PCDHA4: variants seen among roughly 807,000 people sequenced by gnomAD.
PCDHA4 encodes the protein protocadherin alpha-4.
Under a neutral mutation model 61.4 loss-of-function variants are expected in PCDHA4, and 49 were observed. The ratio of observed to expected loss-of-function variants is 0.80; its 90% confidence interval spans 0.63 to 1.01. PCDHA4 has a LOEUF of 1.01. PCDHA4 is among the 50% of genes least tolerant of loss of function. The pLI, the probability that PCDHA4 is intolerant of heterozygous loss-of-function variation, is 0.00. For missense variants in PCDHA4, 1,254 were observed against 1,235.8 expected, an observed-to-expected ratio of 1.01 and a Z score of -0.22; for synonymous variants, 590 against 550.3, an observed-to-expected ratio of 1.07 and a Z score of -1.01.
Position 140,808,696 on chromosome 5 carries a change from G to T in PCDHA4, c.1509G>T (p.Ala503=), listed in dbSNP as rs1182991653. The T allele has an allele frequency of 1.2e-6, 2 of 1,612,214 alleles. No individual in the cohort carries two copies. Among genetic ancestry groups the T allele is most frequent in the African/African-American group, 1.3e-5 (1 of 75,016 alleles). Residue 503 remains alanine (A), a synonymous_variant, in exon 1 of 4, where the codon GCG becomes GCT. Transcript: ENST00000530339. ...SLVERRVGER[A]LSSYVSVHAE... The stretch of plus-strand genomic sequence containing the variant: ...TAGAGCGGCGGGTAGGGGAGCGCGC[G>T]CTGTCGAGCTACGTTTCGGTGCATG...
chr5:140,954,470 G>T (rs999752135), intron 1 of PCDHA4, among the ~76,000 whole-genome samples: 2 of 152,150 alleles, frequency 1.3e-5, no homozygotes, highest in Non-Finnish European at 2.9e-5. Flanking sequence ...ATTCTGACTG[G>T]TGTGAGAAGA....
chr5:140,828,874 TATC>T, intron 1 of PCDHA4: 2 of 1,614,208 alleles, frequency 1.2e-6, no homozygotes, highest in Non-Finnish European at 1.7e-6. Context: ...GAACAACAGT[TATC>T]AGACTGAATG....
chr5:140,903,540 A>G (rs531687543), intron 1 of PCDHA4, among the ~76,000 whole-genome samples: 46 of 152,352 alleles, frequency 3.0e-4, no homozygotes, highest in African/African-American at 9.9e-4. Flanking sequence ...AACTAGAGCA[A>G]GAAACTTTTC....
chr5:140,855,571 T>G (rs2043521120), intron 1 of PCDHA4, among the ~76,000 whole-genome samples: 1 of 149,810 alleles, frequency 6.7e-6, no homozygotes, highest in Non-Finnish European at 1.5e-5. Context: ...AAAGTTGTCA[T>G]TTAATAAAAT....
At chr5:140,981,203 C>T (rs2096922514) in intron 2 of PCDHA4, among the ~76,000 whole-genome samples, 1 of 152,212 alleles carries the variant, frequency 6.6e-6, no homozygotes, top group South Asian at 2.1e-4. Flanking sequence ...TCTGTTGCCT[C>T]ATATAACCCC....
chr5:140,846,564 C>T (rs2150392370), intron 1 of PCDHA4, among the ~76,000 whole-genome samples: 5 of 147,896 alleles, frequency 3.4e-5, no homozygotes, highest in African/African-American at 5.0e-5. Context: ...TTAGTAGAGT[C>T]GGGGTTTCAC....
At chr5:140,866,951 G>C (rs1207354253) in intron 1 of PCDHA4, 1 of 152,106 alleles carries the variant, frequency 6.6e-6, no homozygotes, top group African/African-American at 2.4e-5. Flanking sequence ...CTAGGGGCTG[G>C]TTGAGATGGT....
chr5:140,941,111 G>T (rs1477407055), intron 1 of PCDHA4, among the ~76,000 whole-genome samples: 2 of 152,090 alleles, frequency 1.3e-5, no homozygotes, highest in Non-Finnish European at 2.9e-5. Context: ...TTACTGGAAA[G>T]ATTAGTCCTT....
intron 1 of PCDHA4, among the ~76,000 whole-genome samples, chr5:140,917,330 A>AGGGGGGGGGGG (rs1425400137): frequency 9.7e-6 from 1 of 103,190 alleles, no homozygotes. Flanking sequence ...GTGGCGGGGG[A>AGGGGGGGGGGG]GGGGGGGGAT....
chr5:140,912,241 T>C (rs939016891), intron 1 of PCDHA4, among the ~76,000 whole-genome samples: 1 of 152,164 alleles, frequency 6.6e-6, no homozygotes, highest in African/African-American at 2.4e-5. Flanking sequence ...GACTCAAATG[T>C]TAATCTCCTT....
At chr5:140,918,897 C>A (rs1381764249) in intron 1 of PCDHA4, among the ~76,000 whole-genome samples, 1 of 152,196 alleles carries the variant, frequency 6.6e-6, no homozygotes, top group Admixed American at 6.5e-5. Context: ...AAAAATAAAT[C>A]TCTCTTGTTT....
At chr5:141,000,421 A>ATATTTTTTTTTTT (rs1265241806) in intron 3 of PCDHA4, among the ~76,000 whole-genome samples, 1 of 27,968 alleles carries the variant, frequency 3.6e-5, no homozygotes, top group African/African-American at 1.8e-4. Flanking sequence ...ATATATATAT[A>ATATTTTTTTTTTT]TTTTTTTTTT....
chr5:140,987,523 T>C (rs942927324), intron 3 of PCDHA4, among the ~76,000 whole-genome samples: 1 of 152,174 alleles, frequency 6.6e-6, no homozygotes, highest in Non-Finnish European at 1.5e-5. Context: ...AGTAATTGTA[T>C]GTTCCTGGGA....
intron 1 of PCDHA4, chr5:140,870,969 C>T: frequency 1.2e-6 from 2 of 1,613,644 alleles, no homozygotes; most frequent in Non-Finnish European, 1.7e-6. Context: ...TCCCGTTCCG[C>T]GTGGGGCTGT....
At chr5:140,841,445 G>C (rs1777235481) in intron 1 of PCDHA4, 6 of 1,612,934 alleles carry the variant, frequency 3.7e-6, no homozygotes, top group South Asian at 1.1e-5. Flanking sequence ...GGCCAAACAC[G>C]GCACCTTCGT....
chr5:140,856,012 G>A lies in PCDHA4; in HGVS notation c.2385+46440G>A, dbSNP rs1158329125. 3 of 1,546,896 alleles carry A rather than the reference G, an allele frequency of 1.9e-6. No homozygotes were observed. The East Asian group carries it at 6.8e-5, about 35-fold the overall frequency. ...TCAGATCGTATGTGCGTTCTAGACC[G>A]CTGATTCGTCGATTTGTAAAACAAG... is the stretch of plus-strand genomic sequence containing the variant. On this transcript the variant is annotated intron_variant, in intron 1 of 3. Coordinates refer to ENST00000530339, the MANE Select transcript of PCDHA4 (RefSeq NM_018907.4).
chr5:140,832,432 T>C (rs1554133529), intron 1 of PCDHA4, among the ~76,000 whole-genome samples: 1 of 152,236 alleles, frequency 6.6e-6, no homozygotes, highest in Non-Finnish European at 1.5e-5. Flanking sequence ...TACATGATAA[T>C]TTTTAAGCGT....
intron 1 of PCDHA4, chr5:140,812,099 T>C (rs1456552720): frequency 1.3e-5 from 2 of 152,060 alleles, no homozygotes; most frequent in African/African-American, 4.8e-5. Flanking sequence ...TTGATTCTTC[T>C]TTAAAAGTTT....
At chr5:140,828,544 G>A (rs144353163) in intron 1 of PCDHA4, 952 of 1,614,096 alleles carry the variant, frequency 5.9e-4, no homozygotes, top group Non-Finnish European at 7.8e-4. Flanking sequence ...CAGATTCTGT[G>A]TTTCCACTGG....
Sources: gnomAD v4.1 joint callset for allele counts (sites outside exome capture counted in the v4.1 genomes callset) on GRCh38, gnomAD v4.1.1 for gene constraint, MANE v1.5 for transcripts, NCBI Gene and HGNC (gene_info 2026-07-23, HGNC 2026-07-21) for gene names.